NUMB: variants seen among roughly 807,000 people sequenced by gnomAD.
NUMB encodes NUMB endocytic adaptor protein.
In NUMB, 29 loss-of-function variants were observed where a neutral mutation model predicts 59.7. The ratio of observed to expected loss-of-function variants is 0.49; its 90% CI spans 0.36 to 0.66. NUMB has a LOEUF of 0.66. Among genes scored for constraint, NUMB ranks in the 30% least tolerant of loss-of-function variants. NUMB has a pLI of 0.00. For missense variants in NUMB, 723 were observed against 822.0 expected, an observed-to-expected ratio of 0.88 and a Z score of 1.47; for synonymous variants, 288 against 288.2, an observed-to-expected ratio of 1.00 and a Z score of 0.01.
Position 73,372,942 on chromosome 14 carries a change from G to A in NUMB, c.-100-5961C>T, listed in dbSNP as rs28645069. Among the ~76,000 whole-genome samples the A allele has an allele frequency of 1.7e-3, 254 of 152,132 alleles. 1 individual carries two copies. The highest frequency in any genetic ancestry group is 5.9e-3 in the African/African-American group (247 of 41,528). Reference sequence around the variant, plus strand: ...TTAAGTGGAGGTGAAATACAGTTAGGTTCATCTGATTCTGTTTATACTTTT... The same window carrying A: ...TTAAGTGGAGGTGAAATACAGTTAGATTCATCTGATTCTGTTTATACTTTT... On this transcript the variant is annotated intron_variant, in intron 2 of 12. Transcript: ENST00000555238.
chr14:73,328,677 T>C (rs1891792251), intron 4 of NUMB, among the ~76,000 whole-genome samples: 1 of 152,220 alleles, frequency 6.6e-6, no homozygotes, highest in Non-Finnish European at 1.5e-5. Flanking sequence ...TGGCATCTAC[T>C]TATCCACATC....
chr14:73,385,878 TTGCAATGGAGAA>T (rs1895495283), intron 2 of NUMB, among the ~76,000 whole-genome samples: 1 of 152,102 alleles, frequency 6.6e-6, no homozygotes, highest in Non-Finnish European at 1.5e-5. Flanking sequence ...GAAAAATTCG[TTGCAATGGAGAA>T]AATGAGTTTG....
chr14:73,300,223 C>G (rs900912090), intron 6 of NUMB, among the ~76,000 whole-genome samples: 27 of 151,986 alleles, frequency 1.8e-4, no homozygotes, highest in Non-Finnish European at 2.2e-4. Flanking sequence ...AGAACAAAGT[C>G]CAACAAAATG....
Position 73,324,413 on chromosome 14 carries a change from CT to C in NUMB, c.127-1210del, listed in dbSNP as rs367795826. On this transcript the variant is annotated intron_variant, in intron 4 of 12. Transcript: ENST00000555238. Reference sequence around the variant, plus strand: ...TGTACAAACACATAATAAATTTTGCCTTTTTTTTTCCCTGCTAATCTATCTA... The same window carrying C: ...TGTACAAACACATAATAAATTTTGCCTTTTTTTTCCCTGCTAATCTATCTA... Among the ~76,000 whole-genome samples, 601 of 151,460 alleles carry C rather than the reference CT, an allele frequency of 4.0e-3. 3 individuals are homozygous for C. Among genetic ancestry groups the C allele is most frequent in the African/African-American group, 0.012 (477 of 41,228 alleles).
chr14:73,354,141 T>G (rs1467086333), intron 4 of NUMB, among the ~76,000 whole-genome samples: 2 of 152,072 alleles, frequency 1.3e-5, no homozygotes. Flanking sequence ...CTTCAGAAGC[T>G]TTAGCCCATA....
chr14:73,455,486 T>G (rs1472300812), intron 1 of NUMB, among the ~76,000 whole-genome samples: 1 of 152,224 alleles, frequency 6.6e-6, no homozygotes, highest in Non-Finnish European at 1.5e-5. Context: ...ATGTACCACA[T>G]CCAGTTTATT....
intron 12 of NUMB, 113 bp downstream of exon 12, chr14:73,279,168 A>T: frequency 8.4e-7 from 1 of 1,188,744 alleles, no homozygotes; most frequent in African/African-American, 1.5e-5. Context: ...GAGGGAACAT[A>T]GTTTTCCTGA....
chr14:73,286,736 C>T (rs1889032361), intron 9 of NUMB: 1 of 279,254 alleles, frequency 3.6e-6, no homozygotes, highest in Admixed American at 4.8e-5. Flanking sequence ...GCTTTGCAGC[C>T]TTAAGCCCTG....
chr14:73,323,089 G>T, intron 5 of NUMB, 41 bp downstream of exon 5: 1 of 1,441,846 alleles, frequency 6.9e-7, no homozygotes, highest in Non-Finnish European at 9.7e-7. Context: ...AGAAAATATT[G>T]ATAGCATATA....
chr14:73,276,526 T>C lies in NUMB; in HGVS notation c.*52A>G. The C allele has an allele frequency of 2.1e-6, 3 of 1,445,926 alleles. No homozygotes were observed. The highest frequency in any genetic ancestry group is 4.6e-5 in the East Asian group (2 of 43,860). The allele number at this position is 1,445,926 out of a possible 1,614,324, so 89.6% of individuals were successfully genotyped here. On this transcript the variant is annotated 3_prime_UTR_variant, in exon 13 of 13. Coordinates refer to ENST00000555238, the MANE Select transcript of NUMB (RefSeq NM_001005743.2). ...AAGTCTGTTTTGCTCCTTTGACCGC[T>C]ACCCCCTGCTCCCTGTCTGGTATGG...
At chr14:73,375,149 T>C (rs997221024) in intron 2 of NUMB, among the ~76,000 whole-genome samples, 2 of 152,172 alleles carry the variant, frequency 1.3e-5, no homozygotes, top group East Asian at 1.9e-4. Context: ...GACTTTACAA[T>C]CAACAAAAGA....
intron 5 of NUMB, among the ~76,000 whole-genome samples, chr14:73,317,369 T>A (rs1461239354): frequency 1.3e-5 from 2 of 152,238 alleles, no homozygotes; most frequent in African/African-American, 2.4e-5. Context: ...TGGCACGATC[T>A]CAGGTCACTG....
intron 4 of NUMB, among the ~76,000 whole-genome samples, chr14:73,336,373 GA>G (rs1892316576): frequency 6.6e-6 from 1 of 152,176 alleles, no homozygotes; most frequent in South Asian, 2.1e-4. Context: ...GATCATGAAA[GA>G]ACTACTGCTA....
intron 2 of NUMB, among the ~76,000 whole-genome samples, chr14:73,367,344 T>TAGAGAGAGAGAGAGAGAGAGAG (rs1480182542): frequency 3.6e-5 from 3 of 84,170 alleles, no homozygotes; most frequent in Non-Finnish European, 4.1e-5. Context: ...TATATATATA[T>TAGAGAGAGAGAGAGAGAGAGAG]ATATAGAGAG....
chr14:73,388,488 TATATAGA>T lies in NUMB; in HGVS notation c.-101+21442_-101+21448del, dbSNP rs1428714741. Among the ~76,000 whole-genome samples the T allele has an allele frequency of 1.5e-4, 23 of 152,356 alleles. 2 individuals are homozygous for T. In the South Asian group the frequency reaches 4.8e-3, roughly 32 times the overall value. ...CTGGTGTTTATCAGAATAAGTTATT[TATATAGA>T]ATAAAGTTGGTATCTTTTTTTTTCA... On this transcript the variant is annotated intron_variant, in intron 2 of 12. Coordinates refer to ENST00000555238, the MANE Select transcript of NUMB (RefSeq NM_001005743.2).
chr14:73,326,627 CAAAAAAAAGAA>C (rs751290375), intron 4 of NUMB, among the ~76,000 whole-genome samples: 30 of 143,782 alleles, frequency 2.1e-4, no homozygotes, highest in Admixed American at 1.2e-3. Context: ...AACTTTGTCT[CAAAAAAAAGAA>C]AAAAAAAAGA....
chr14:73,278,649 C>A, intron 12 of NUMB, among the ~76,000 whole-genome samples: 1 of 151,710 alleles, frequency 6.6e-6, no homozygotes, highest in East Asian at 1.9e-4. Flanking sequence ...GGAGCAGGGC[C>A]CCCTCTTTCT....
At chr14:73,342,648 A>C (rs1468774339) in intron 4 of NUMB, among the ~76,000 whole-genome samples, 1 of 152,208 alleles carries the variant, frequency 6.6e-6, no homozygotes, top group East Asian at 1.9e-4. Flanking sequence ...CATGCAGATA[A>C]AACCTTCAGT....
At chr14:73,395,387 C>CAGAGGTA (rs11281981) in intron 2 of NUMB, among the ~76,000 whole-genome samples, 13,384 of 152,000 alleles carry the variant, frequency 0.088, 1,170 homozygotes, top group African/African-American at 0.21. Context: ...CTTTGGGAGG[C>CAGAGGTA]AGAGGTAGGT....
Sources: allele counts gnomAD v4.1 joint callset (sites outside exome capture counted in the v4.1 genomes callset), GRCh38; gene constraint gnomAD v4.1.1; transcripts MANE v1.5; gene names NCBI Gene and HGNC (gene_info 2026-07-23, HGNC 2026-07-21).